PSTPIP1: variants seen among roughly 807,000 people sequenced by gnomAD.
PSTPIP1 encodes proline-serine-threonine phosphatase-interacting protein 1.
Under a neutral mutation model 69.6 loss-of-function variants are expected in PSTPIP1, and 66 were observed. The observed-to-expected ratio is 0.95, with a 90% CI of 0.78 to 1.16. The LOEUF is 1.16. PSTPIP1 is among the 50% of genes most tolerant of loss of function. The probability of loss-of-function intolerance (pLI) is 0.00; values close to 1 mark genes in which losing one functional copy is unlikely to be tolerated. For missense variants in PSTPIP1, 603 were observed against 557.4 expected, an observed-to-expected ratio of 1.08 and a Z score of -0.82; for synonymous variants, 266 against 222.7, an observed-to-expected ratio of 1.19 and a Z score of -1.73.
intron 3 of PSTPIP1, chr15:77,024,549 A>G (rs1311946451): frequency 6.6e-6 from 1 of 152,210 alleles, no homozygotes; most frequent in Non-Finnish European, 1.5e-5. Flanking sequence ...TGAATTTCAG[A>G]TAAACAACAA....
intron 12 of PSTPIP1, 44 bp from the exon 13 acceptor site, chr15:77,035,464 A>G: frequency 1.3e-6 from 2 of 1,551,040 alleles, no homozygotes; most frequent in Non-Finnish European, 8.7e-7. Flanking sequence ...TGGGTCCCTG[A>G]GTGTGGGGCG....
At chr15:77,015,491 G>C (rs2076029637) in intron 1 of PSTPIP1, among the ~76,000 whole-genome samples, 1 of 152,182 alleles carries the variant, frequency 6.6e-6, no homozygotes, top group Non-Finnish European at 1.5e-5. Context: ...AGGGCCACAG[G>C]CAGCATTCGG....
chr15:77,003,300 G>A (rs2075748834), intron 1 of PSTPIP1, among the ~76,000 whole-genome samples: 1 of 152,220 alleles, frequency 6.6e-6, no homozygotes, highest in African/African-American at 2.4e-5. Flanking sequence ...ATGATGCCCT[G>A]GGCCCTGGGC....
At chr15:77,006,029 A>G (rs540849970) in intron 1 of PSTPIP1, among the ~76,000 whole-genome samples, 2 of 152,266 alleles carry the variant, frequency 1.3e-5, no homozygotes, top group South Asian at 4.1e-4. Flanking sequence ...TCATATGGTA[A>G]TCCTATGTTT....
chr15:77,032,669 C>G (rs1018641292), intron 11 of PSTPIP1, 193 bp from the exon 12 acceptor site: 3 of 629,162 alleles, frequency 4.8e-6, no homozygotes, highest in Admixed American at 2.9e-5. Context: ...TTTGGTTCCA[C>G]TGGATCACGG....
At chr15:77,028,761 T>C (rs2076347319) in intron 7 of PSTPIP1, 109 bp downstream of exon 7, 1 of 962,576 alleles carries the variant, frequency 1.0e-6, no homozygotes, top group Non-Finnish European at 1.5e-6. Context: ...CTGGGGATGC[T>C]GCTTAGCCCT....
chr15:77,009,460 C>T (rs201889539), intron 1 of PSTPIP1, among the ~76,000 whole-genome samples: 2 of 152,198 alleles, frequency 1.3e-5, no homozygotes, highest in Admixed American at 6.5e-5. Context: ...TAGGAGTCCA[C>T]GTATTCTCCC....
Position 76,995,562 on chromosome 15 carries a change from A to C in PSTPIP1, c.-12A>C. On this transcript the variant is annotated 5_prime_UTR_variant, in exon 1 of 15. Transcript: ENST00000558012. The stretch of plus-strand genomic sequence containing the variant: ...GCAGGAGAGTGAGCTTTGCCGCGGC[A>C]GACGCCTGAGGATGATGCCCCAGCT... 1 of 1,613,856 alleles carries C rather than the reference A, an allele frequency of 6.2e-7. No homozygotes were observed. Among genetic ancestry groups the C allele is most frequent in the African/African-American group, 1.3e-5 (1 of 75,040 alleles).
chr15:76,995,094 G>A (rs1177670247), upstream of PSTPIP1: 4 of 1,178,146 alleles, frequency 3.4e-6, no homozygotes, highest in African/African-American at 3.2e-5. Flanking sequence ...CTGTGGGCGA[G>A]GGCCCTGTGC....
rs142130132 is a variant in PSTPIP1 at position 77,020,717 on chromosome 15, C to G, written c.212+2186C>G. ...ATTAGGGCCCATTTATGCGCCACCT[C>G]CTCCAGGAAGCCCTCCCAGACACCT... On this transcript the variant is annotated intron_variant, in intron 3 of 14. Transcript: ENST00000558012. Among the ~76,000 whole-genome samples, 778 of 152,322 alleles carry G rather than the reference C, an allele frequency of 5.1e-3. 29 individuals carry two copies. Among genetic ancestry groups the G allele is most frequent in the Admixed American group, 0.043 (655 of 15,302 alleles).
intron 1 of PSTPIP1, among the ~76,000 whole-genome samples, chr15:76,997,152 C>G (rs2075598425): frequency 6.6e-6 from 1 of 152,222 alleles, no homozygotes; most frequent in South Asian, 2.1e-4. Context: ...AAGCAGCCAG[C>G]CCCTGTGGAG....
At chr15:77,024,926 G>C (rs1213715515) in intron 3 of PSTPIP1, among the ~76,000 whole-genome samples, 1 of 152,098 alleles carries the variant, frequency 6.6e-6, no homozygotes, top group African/African-American at 2.4e-5. Context: ...GAGGAGAGAG[G>C]GCTGTGAATG....
rs1457476884 is a variant in PSTPIP1, at chr15:76,995,550, C to G, written c.-24C>G. 2.5e-6 allele frequency: 4 copies of G among 1,613,828 alleles called. No individual in the cohort carries two copies. Among genetic ancestry groups the G allele is most frequent in the African/African-American group, 2.7e-5 (2 of 75,032 alleles). On this transcript the variant is annotated 5_prime_UTR_variant, in exon 1 of 15. Transcript: ENST00000558012. The stretch of plus-strand genomic sequence containing the variant: ...GGCCAGCCTGTGGCAGGAGAGTGAG[C>G]TTTGCCGCGGCAGACGCCTGAGGAT...
At chr15:77,019,595 C>A (rs1221872628) in intron 3 of PSTPIP1, among the ~76,000 whole-genome samples, 1 of 152,202 alleles carries the variant, frequency 6.6e-6, no homozygotes, top group Non-Finnish European at 1.5e-5. Flanking sequence ...TCTGAGGAGC[C>A]CTTGGAGCTC....
At chr15:77,036,470 C>A (rs986380611) in intron 14 of PSTPIP1, among the ~76,000 whole-genome samples, 7 of 152,122 alleles carry the variant, frequency 4.6e-5, no homozygotes, top group Non-Finnish European at 8.8e-5. Flanking sequence ...TGAGGATGAA[C>A]CAAGGCAGCC....
At chr15:77,003,916 T>C (rs1017733710) in intron 1 of PSTPIP1, among the ~76,000 whole-genome samples, 9 of 152,268 alleles carry the variant, frequency 5.9e-5, no homozygotes, top group South Asian at 4.1e-4. Flanking sequence ...AGATTTATAA[T>C]TGGATATGCA....
At chr15:77,008,656 C>T (rs144825829) in intron 1 of PSTPIP1, among the ~76,000 whole-genome samples, 67 of 152,294 alleles carry the variant, frequency 4.4e-4, no homozygotes, top group African/African-American at 1.4e-3. Context: ...GTAATCCACC[C>T]GCCTCGGCTT....
chr15:77,007,149 C>A (rs756355568), intron 1 of PSTPIP1, among the ~76,000 whole-genome samples: 14 of 152,140 alleles, frequency 9.2e-5, no homozygotes, highest in Non-Finnish European at 1.8e-4. Flanking sequence ...CAAGAAGGTC[C>A]ATCTATGACA....
chr15:77,036,175 T>C (rs949065259), intron 14 of PSTPIP1, among the ~76,000 whole-genome samples: 2 of 152,134 alleles, frequency 1.3e-5, no homozygotes, highest in Admixed American at 1.3e-4. Flanking sequence ...TCAGTGTGCA[T>C]GTACTGACTG....
Sources: gnomAD v4.1 joint callset for allele counts (sites outside exome capture counted in the v4.1 genomes callset) on GRCh38, gnomAD v4.1.1 for gene constraint, MANE v1.5 for transcripts, NCBI Gene and HGNC (gene_info 2026-07-23, HGNC 2026-07-21) for gene names.